The following RALYL variants were observed in gnomAD, a reference collection of about 807,000 sequenced individuals.
RALYL encodes the protein RNA-binding Raly-like protein.
Under a neutral mutation model 35.1 loss-of-function variants are expected in RALYL, and 29 were observed. The observed-to-expected ratio is 0.83, with a 90% confidence interval of 0.61 to 1.13. The LOEUF (loss-of-function observed/expected upper bound fraction) is 1.13. Among genes scored for constraint, RALYL ranks in the 50% most tolerant of loss-of-function variants. RALYL has a pLI of 0.00. For missense variants in RALYL, 359 were observed against 360.4 expected, an observed-to-expected ratio of 1.00 and a Z score of 0.03; for synonymous variants, 120 against 127.6, an observed-to-expected ratio of 0.94 and a Z score of 0.40.
chr8:84,807,297 G>GAAT (rs1824878734), intron 4 of RALYL, among the ~76,000 whole-genome samples: 2 of 152,130 alleles, frequency 1.3e-5, no homozygotes, highest in African/African-American at 4.8e-5. Flanking sequence ...ACTTCACTTA[G>GAAT]AATAATAGTC....
chr8:84,223,156 T>TCCTTTCCTTTC (rs1422103254), intron 1 of RALYL, among the ~76,000 whole-genome samples: 20 of 122,736 alleles, frequency 1.6e-4, no homozygotes, highest in African/African-American at 5.7e-4. Flanking sequence ...TCCTTTCCTT[T>TCCTTTCCTTTC]CTTTCCTTCC....
chr8:84,541,695 C>A (rs1329359586), intron 2 of RALYL, among the ~76,000 whole-genome samples: 1 of 151,886 alleles, frequency 6.6e-6, no homozygotes, highest in Non-Finnish European at 1.5e-5. Flanking sequence ...TTCTGTTTAT[C>A]TTCTTAGTTC....
At chr8:84,905,908 G>T (rs963204392) in intron 8 of RALYL, among the ~76,000 whole-genome samples, 5 of 151,746 alleles carry the variant, frequency 3.3e-5, no homozygotes, top group African/African-American at 1.2e-4. Context: ...ACCTTTAGTT[G>T]TGTGTTTTTT....
chr8:84,393,890 G>A (rs1194017549), intron 1 of RALYL, among the ~76,000 whole-genome samples: 1 of 152,046 alleles, frequency 6.6e-6, no homozygotes, highest in Non-Finnish European at 1.5e-5. Context: ...TAGTAAGCAT[G>A]CAAATAATGA....
At chr8:84,582,494 A>G (rs1445120985) in intron 2 of RALYL, among the ~76,000 whole-genome samples, 1 of 152,068 alleles carries the variant, frequency 6.6e-6, no homozygotes, top group African/African-American at 2.4e-5. Context: ...AAGGCCAGAT[A>G]TTCCACTTAA....
chr8:84,884,500 CACAA>C (rs1220289094), intron 7 of RALYL, among the ~76,000 whole-genome samples: 4 of 122,890 alleles, frequency 3.3e-5, no homozygotes, highest in Admixed American at 2.4e-4. Flanking sequence ...TACATATACA[CACAA>C]ACACACACAC....
chr8:84,712,155 T>C (rs1359520061), intron 2 of RALYL, among the ~76,000 whole-genome samples: 1 of 152,152 alleles, frequency 6.6e-6, no homozygotes, highest in African/African-American at 2.4e-5. Context: ...CTTTTTATTC[T>C]CAAGTTCTAG....
chr8:84,213,157 G>A (rs149536676), intron 1 of RALYL, among the ~76,000 whole-genome samples: 2,279 of 152,208 alleles, frequency 0.015, 53 homozygotes, highest in African/African-American at 0.049. Context: ...TTGGGAGGCC[G>A]AGGCGGGCGG....
At chr8:84,185,287 T>C (rs868044889) in intron 1 of RALYL, 20 of 507,778 alleles carry the variant, frequency 3.9e-5, no homozygotes, top group African/African-American at 3.3e-4. Context: ...GAGTTTTCCC[T>C]CTTTTTAACC....
intron 1 of RALYL, among the ~76,000 whole-genome samples, chr8:84,266,367 T>C (rs941162270): frequency 7.9e-5 from 12 of 152,202 alleles, no homozygotes; most frequent in Non-Finnish European, 1.5e-4. Flanking sequence ...CCTATTATCT[T>C]AATAACAATG....
chr8:84,781,275 G>T (rs750597909), intron 3 of RALYL, among the ~76,000 whole-genome samples: 11 of 152,244 alleles, frequency 7.2e-5, no homozygotes, highest in Non-Finnish European at 1.2e-4. Flanking sequence ...TTTTTTAAAA[G>T]ATTATTTTAC....
intron 1 of RALYL, among the ~76,000 whole-genome samples, chr8:84,274,865 C>G (rs1339095977): frequency 6.6e-6 from 1 of 152,120 alleles, no homozygotes; most frequent in Non-Finnish European, 1.5e-5. Context: ...AAGAGACAGT[C>G]TTCAAAGATC....
At chr8:84,857,201 C>T (rs1837240250) in intron 5 of RALYL, among the ~76,000 whole-genome samples, 1 of 152,106 alleles carries the variant, frequency 6.6e-6, no homozygotes, top group Non-Finnish European at 1.5e-5. Flanking sequence ...GGAGCAAGAT[C>T]TTCTCTGGTC....
chr8:84,244,905 G>A (rs895977802), intron 1 of RALYL, among the ~76,000 whole-genome samples: 7 of 152,176 alleles, frequency 4.6e-5, no homozygotes, highest in African/African-American at 1.7e-4. Context: ...GCTGGCAGAA[G>A]ACACAAGATT....
chr8:84,756,701 T>C (rs1811499013), intron 2 of RALYL, among the ~76,000 whole-genome samples: 1 of 152,112 alleles, frequency 6.6e-6, no homozygotes, highest in Admixed American at 6.6e-5. Flanking sequence ...TTCATATTGC[T>C]GATTATGATT....
chr8:84,449,703 A>G (rs979771398), intron 1 of RALYL, among the ~76,000 whole-genome samples: 1 of 151,996 alleles, frequency 6.6e-6, no homozygotes, highest in African/African-American at 2.4e-5. Context: ...ACATGGACTG[A>G]ATTAAATTTT....
At chr8:84,518,373 T>A (rs1392204747) in intron 1 of RALYL, among the ~76,000 whole-genome samples, 1 of 152,180 alleles carries the variant, frequency 6.6e-6, no homozygotes, top group Non-Finnish European at 1.5e-5. Context: ...CTCATGGATA[T>A]CATGATAGAC....
intron 1 of RALYL, among the ~76,000 whole-genome samples, chr8:84,482,579 T>C (rs1027560092): frequency 3.3e-5 from 5 of 152,020 alleles, no homozygotes; most frequent in Non-Finnish European, 7.4e-5. Flanking sequence ...CTCAAAATGG[T>C]CATGAAAAGA....
At chr8:84,845,311 A>T (rs977666391) in intron 4 of RALYL, among the ~76,000 whole-genome samples, 1 of 152,128 alleles carries the variant, frequency 6.6e-6, no homozygotes, top group South Asian at 2.1e-4. Context: ...TATTGGAATT[A>T]GCAACCATTC....
Sources: allele counts gnomAD v4.1 joint callset (sites outside exome capture counted in the v4.1 genomes callset), GRCh38; gene constraint gnomAD v4.1.1; transcripts MANE v1.5; gene names NCBI Gene and HGNC (gene_info 2026-07-23, HGNC 2026-07-21).